Variants in SPATA22 observed in about 807,000 individuals in gnomAD.
SPATA22 encodes spermatogenesis-associated protein 22.
Under a neutral mutation model 47.8 loss-of-function variants are expected in SPATA22, and 29 were observed. The observed-to-expected ratio is 0.61, with a 90% CI of 0.45 to 0.83. SPATA22 has a LOEUF of 0.83. Ranked by LOEUF, SPATA22 falls within the 40% of genes least tolerant of loss-of-function variation. SPATA22 has a pLI of 0.00. For missense variants in SPATA22, 410 were observed against 421.7 expected, an observed-to-expected ratio of 0.97 and a Z score of 0.24; for synonymous variants, 133 against 140.9, an observed-to-expected ratio of 0.94 and a Z score of 0.40.
In SPATA22 at chr17:3,440,068, C is replaced by T. The variant is rs1185248957; in HGVS notation, c.*79G>A. 9.4e-6 allele frequency: 8 copies of T among 852,314 alleles called. No homozygotes were observed. The highest frequency in any genetic ancestry group is 1.4e-5 in the Non-Finnish European group (8 of 581,052). 52.8% of individuals were successfully genotyped at this position (852,314 alleles called of 1,614,324 possible). ...TTCAACAAGTGAAATACAATAGTAG[C>T]TATAAAACTATGGAGATGGTAAATT... On this transcript the variant is annotated 3_prime_UTR_variant, in exon 9 of 9. Coordinates refer to ENST00000572969, the MANE Select transcript of SPATA22 (RefSeq NM_001170698.2).
intron 1 of SPATA22, among the ~76,000 whole-genome samples, chr17:3,495,542 C>T (rs2073894167): frequency 6.6e-6 from 1 of 151,638 alleles, no homozygotes; most frequent in African/African-American, 2.4e-5. Flanking sequence ...CAGCCTTAGG[C>T]AGTGTTTGTT....
chr17:3,445,179 A>G (rs1225009640), intron 7 of SPATA22, among the ~76,000 whole-genome samples: 1 of 152,128 alleles, frequency 6.6e-6, no homozygotes, highest in Non-Finnish European at 1.5e-5. Flanking sequence ...AGGGGTTAAG[A>G]TCTTTGAAAT....
intron 1 of SPATA22, among the ~76,000 whole-genome samples, chr17:3,508,203 C>T (rs1026078288): frequency 6.6e-6 from 1 of 152,010 alleles, no homozygotes; most frequent in African/African-American, 2.4e-5. Context: ...CAATGAGATA[C>T]CATCTCACAC....
chr17:3,455,605 T>C (rs1325941202), intron 5 of SPATA22, among the ~76,000 whole-genome samples: 1 of 141,834 alleles, frequency 7.1e-6, no homozygotes, highest in Non-Finnish European at 1.5e-5. Flanking sequence ...CAGATAGTTG[T>C]AGATATGCGG....
chr17:3,464,051 C>T, intron 3 of SPATA22, among the ~76,000 whole-genome samples: 1 of 151,482 alleles, frequency 6.6e-6, no homozygotes, highest in Non-Finnish European at 1.5e-5. Context: ...GACTGTACTG[C>T]TGCCATCTCG....
At chr17:3,470,983 C>T (rs893135064) in intron 1 of SPATA22, among the ~76,000 whole-genome samples, 1 of 151,870 alleles carries the variant, frequency 6.6e-6, no homozygotes, top group East Asian at 1.9e-4. Flanking sequence ...CGTGAAACCC[C>T]GTCTCTACTA....
At chr17:3,513,775 G>A in exon 1 of SPATA22, 1 of 654,076 alleles carries the variant, frequency 1.5e-6, no homozygotes, top group Admixed American at 2.7e-5. Flanking sequence ...GACACCCACT[G>A]AGCACTGAGC....
intron 5 of SPATA22, among the ~76,000 whole-genome samples, 198 bp from the exon 6 acceptor site, chr17:3,449,347 C>T (rs994857564): frequency 6.6e-6 from 1 of 152,136 alleles, no homozygotes; most frequent in Non-Finnish European, 1.5e-5. Flanking sequence ...AGACTGATCC[C>T]TAATGAGGAA....
chr17:3,454,013 T>C (rs959397997), intron 5 of SPATA22, among the ~76,000 whole-genome samples: 5 of 151,956 alleles, frequency 3.3e-5, no homozygotes, highest in African/African-American at 1.2e-4. Flanking sequence ...AACTAAAAAA[T>C]GAATTCAGTA....
At position 3,446,590 on chromosome 17, in the gene SPATA22, C is replaced by G. The variant is rs563284311; in HGVS notation, c.684G>C (p.Leu228Phe). ...CTTTTTCCTTAAACTGTAACTGATACAATGAGGTTTCCTTTTGAAAAAATA... is the reference window on the plus strand; with the variant it reads ...CTTTTTCCTTAAACTGTAACTGATAGAATGAGGTTTCCTTTTGAAAAAATA... ...PEDNTLKETS[L>F]YQLQFKEKAS... The change falls in exon 7 of 9, where the codon TTG (leucine) becomes TTC (phenylalanine). Residue 228 changes from leucine to phenylalanine, a missense_variant. Leu to Phe is a conservative substitution (Grantham distance 22). Coordinates refer to ENST00000572969, the MANE Select transcript of SPATA22 (RefSeq NM_001170698.2). 6.4e-7 allele frequency: 1 copy of G among 1,554,686 alleles called. No individual in the cohort carries two copies. The highest frequency in any genetic ancestry group is 8.7e-7 in the Non-Finnish European group (1 of 1,147,914).
intron 1 of SPATA22, among the ~76,000 whole-genome samples, chr17:3,493,687 G>A (rs1204537160): frequency 1.3e-5 from 2 of 151,538 alleles, no homozygotes; most frequent in East Asian, 1.9e-4. Context: ...TCCAAGATAA[G>A]CTAATCCAAT....
intron 6 of SPATA22, among the ~76,000 whole-genome samples, chr17:3,447,660 C>T (rs2072757879): frequency 6.6e-6 from 1 of 152,100 alleles, no homozygotes. Context: ...AAACTAACAA[C>T]TGTAAGAAGT....
rs775267608 is a variant in SPATA22, at chr17:3,467,427, T to A, written c.171A>T (p.Thr57=). 9.4e-6 allele frequency: 15 copies of A among 1,590,050 alleles called. No individual in the cohort carries two copies. The highest frequency in any genetic ancestry group is 1.8e-5 in the Admixed American group (1 of 56,818). ...SDNYDFPPLP[T]DWAWEAVNPE... ...TTTTTACCTTATTAATTTTCTTACC[T>A]GTAGGTAGAGGAGGAAAATCATAAT... Residue 57 remains threonine (T), a splice_region_variant and synonymous_variant, in exon 3 of 9, where the codon ACA becomes ACT. Coordinates refer to ENST00000572969, the MANE Select transcript of SPATA22 (RefSeq NM_001170698.2).
intron 1 of SPATA22, among the ~76,000 whole-genome samples, chr17:3,478,312 A>T (rs1353280746): frequency 1.3e-5 from 2 of 152,230 alleles, no homozygotes; most frequent in Admixed American, 6.5e-5. Context: ...ACACAGATCA[A>T]AACATGGACA....
rs1459596226 is a variant in SPATA22, at chr17:3,469,267, A to C, written c.43+16T>G. On this transcript the variant is annotated intron_variant, in intron 2 of 8. Transcript: ENST00000572969. ...ATGCTATACAGAAAATTTAAAAATAAAAAGTTGTTCAATACCTGCTGTACT... is the reference window on the plus strand; with the variant it reads ...ATGCTATACAGAAAATTTAAAAATACAAAGTTGTTCAATACCTGCTGTACT... 4.7e-6 allele frequency: 6 copies of C among 1,290,122 alleles called. No individual in the cohort carries two copies. Among genetic ancestry groups the C allele is most frequent in the Non-Finnish European group, 6.6e-6 (6 of 906,500 alleles). 79.9% of individuals were successfully genotyped at this position (1,290,122 alleles called of 1,614,324 possible). A position where few individuals can be genotyped will look rare whatever the true frequency, so the allele number is the denominator to read the frequency against.
intron 1 of SPATA22, among the ~76,000 whole-genome samples, chr17:3,484,224 A>G (rs1288048694): frequency 6.6e-6 from 1 of 152,124 alleles, no homozygotes; most frequent in Non-Finnish European, 1.5e-5. Flanking sequence ...TATAGCATTA[A>G]TTACTCCAGA....
At chr17:3,469,247 A>C in intron 2 of SPATA22, 36 bp downstream of exon 2, 1 of 959,110 alleles carries the variant, frequency 1.0e-6, no homozygotes, top group South Asian at 1.4e-5. Context: ...TTTATATGCT[A>C]TACAGAAAAT....
intron 1 of SPATA22, among the ~76,000 whole-genome samples, chr17:3,504,315 A>C (rs1855061988): frequency 1.3e-5 from 2 of 152,180 alleles, no homozygotes; most frequent in Admixed American, 1.3e-4. Context: ...TGAGTTGAAT[A>C]AATGAGCATG....
chr17:3,478,827 A>C (rs75540216), intron 1 of SPATA22, among the ~76,000 whole-genome samples: 5,599 of 152,224 alleles, frequency 0.037, 156 homozygotes, highest in East Asian at 0.11. Flanking sequence ...TTATCCACCA[A>C]GTCCCCTGTG....
Sources: allele counts gnomAD v4.1 joint callset (sites outside exome capture counted in the v4.1 genomes callset), GRCh38; gene constraint gnomAD v4.1.1; transcripts MANE v1.5; gene names NCBI Gene and HGNC (gene_info 2026-07-23, HGNC 2026-07-21).